MOB4: variants seen among roughly 807,000 people sequenced by gnomAD.
MOB4 encodes MOB-like protein phocein.
A neutral mutation model predicts 32.2 loss-of-function variants in MOB4; 4 were observed. The ratio of observed to expected loss-of-function variants is 0.12; its 90% CI spans 0.06 to 0.28. MOB4 has a LOEUF of 0.28. MOB4 is among the 10% of genes least tolerant of loss of function. The pLI is 1.00. For synonymous variants in MOB4, 88 were observed against 88.1 expected, an observed-to-expected ratio of 1.00 and a Z score of 0.01; for missense variants, 158 against 271.2, an observed-to-expected ratio of 0.58 and a Z score of 2.93.
intron 2 of MOB4, among the ~76,000 whole-genome samples, chr2:197,532,695 A>G (rs1255804549): frequency 6.6e-6 from 1 of 151,896 alleles, no homozygotes; most frequent in Non-Finnish European, 1.5e-5. Flanking sequence ...CAAAAAAAAA[A>G]TAAGTAAATA....
chr2:197,528,550 A>G (rs1300493250), intron 2 of MOB4, among the ~76,000 whole-genome samples: 2 of 151,988 alleles, frequency 1.3e-5, no homozygotes, highest in Non-Finnish European at 2.9e-5. Flanking sequence ...ATTTATACCC[A>G]GATATTTACA....
At chr2:197,521,867 C>G (rs1175874786) in intron 1 of MOB4, among the ~76,000 whole-genome samples, 2 of 152,152 alleles carry the variant, frequency 1.3e-5, no homozygotes, top group Non-Finnish European at 2.9e-5. Context: ...AACACACATG[C>G]TCTACAGTTT....
chr2:197,517,507 C>CT (rs1328418446), intron 1 of MOB4, among the ~76,000 whole-genome samples: 1 of 152,126 alleles, frequency 6.6e-6, no homozygotes, highest in Non-Finnish European at 1.5e-5. Context: ...CAGAAGTAGA[C>CT]TTTTCTGTTC....
chr2:197,524,537 A>AC (rs2086574879), intron 2 of MOB4, among the ~76,000 whole-genome samples: 1 of 149,610 alleles, frequency 6.7e-6, no homozygotes, highest in South Asian at 2.1e-4. Context: ...TCTCAAAAAA[A>AC]AAAAAAAAAA....
chr2:197,550,382 A>G lies in MOB4; in HGVS notation c.542A>G (p.Tyr181Cys). Reference sequence around the variant, plus strand: ...CATCATCGGCAGATATTTGATGAATATGAAGTAAGTATATTTCACTGATTA... The same window carrying G: ...CATCATCGGCAGATATTTGATGAATGTGAAGTAAGTATATTTCACTGATTA... Reference protein sequence around the residue: ...YFHHRQIFDEYENETFLCHRF... With the variant: ...YFHHRQIFDECENETFLCHRF... The change falls in exon 7 of 8, where the codon TAT becomes TGT. Residue 181 changes from tyrosine (Y) to cysteine (C), a missense_variant. Tyr to Cys is a radical substitution (Grantham distance 194). Transcript: ENST00000323303. The G allele has an allele frequency of 6.2e-7, 1 of 1,613,428 alleles. No individual in the cohort carries two copies. The highest frequency in any genetic ancestry group is 8.5e-7 in the Non-Finnish European group (1 of 1,179,662).
chr2:197,540,007 G>T, intron 3 of MOB4, 104 bp from the exon 4 acceptor site: 2 of 1,233,368 alleles, frequency 1.6e-6, no homozygotes, highest in East Asian at 2.5e-5. Flanking sequence ...ATGGTAATGA[G>T]GGAGGAGGGA....
rs374252620 is a variant in MOB4 at position 197,548,429 on chromosome 2, T to C, written c.434+14T>C. ...TTTTCCCAGCAGGTAATCGAAACTTTTAAACATAGTGTTAAACATTTTAGA... is the reference window on the plus strand; with the variant it reads ...TTTTCCCAGCAGGTAATCGAAACTTCTAAACATAGTGTTAAACATTTTAGA... On this transcript the variant is annotated intron_variant, in intron 6 of 7. Coordinates refer to ENST00000323303, the MANE Select transcript of MOB4 (RefSeq NM_015387.5). 1.9e-5 allele frequency: 30 copies of C among 1,577,014 alleles called. No individual in the cohort carries two copies. The African/African-American group carries it at 4.1e-4, about 22-fold the overall frequency.
rs893133722 is a variant in MOB4 at position 197,549,946 on chromosome 2, A to G, written c.435-329A>G. On this transcript the variant is annotated intron_variant, in intron 6 of 7. Coordinates refer to ENST00000323303, the MANE Select transcript of MOB4 (RefSeq NM_015387.5). ...CAATAATTCCTTTCAGGAGTTTTCA[A>G]TCGCCTCTAGTGGACAATGTATTAA... 1.4e-4 allele frequency among the ~76,000 whole-genome samples: 21 copies of G among 152,158 alleles called. 1 individual carries two copies. Among genetic ancestry groups the G allele is most frequent in the Admixed American group, 3.9e-4 (6 of 15,272 alleles).
At position 197,550,379 on chromosome 2, in the gene MOB4, A is replaced by G; in HGVS notation, c.539A>G (p.Glu180Gly). 1 of 1,613,414 alleles carries G rather than the reference A, an allele frequency of 6.2e-7. No homozygotes were observed. Among genetic ancestry groups the G allele is most frequent in the South Asian group, 1.1e-5 (1 of 90,992 alleles). ...AYFHHRQIFDEYENETFLCHR... is the reference protein window; with the variant it reads ...AYFHHRQIFDGYENETFLCHR... ...TTTCATCATCGGCAGATATTTGATG[A>G]ATATGAAGTAAGTATATTTCACTGA... is the stretch of plus-strand genomic sequence containing the variant. Residue 180 changes from glutamate to glycine, a missense_variant, in exon 7 of 8, where the codon GAA (glutamate) becomes GGA (glycine). Around this residue, in one of 6 missense-constraint regions of MOB4, gnomAD observed 45 missense variants for 65.6 expected, o/e 0.69. Transcript: ENST00000323303.
chr2:197,527,161 G>A (rs1480587386), intron 2 of MOB4, among the ~76,000 whole-genome samples: 1 of 151,282 alleles, frequency 6.6e-6, no homozygotes, highest in African/African-American at 2.4e-5. Flanking sequence ...CACCTTTTCC[G>A]TATCTGCAAA....
intron 2 of MOB4, among the ~76,000 whole-genome samples, chr2:197,528,761 G>A (rs188253139): frequency 0.022 from 3,204 of 148,982 alleles, 121 homozygotes; most frequent in African/African-American, 0.075. Context: ...GACTACAGGC[G>A]CCCGCCATCA....
At chr2:197,540,174 A>G (rs754894092) in intron 4 of MOB4, 21 bp downstream of exon 4, 9 of 1,601,340 alleles carry the variant, frequency 5.6e-6, no homozygotes, top group South Asian at 1.1e-5. Context: ...CTTTAAGTCA[A>G]AGTTATAATT....
At chr2:197,518,009 C>T (rs1235398317) in intron 1 of MOB4, among the ~76,000 whole-genome samples, 5 of 151,728 alleles carry the variant, frequency 3.3e-5, no homozygotes, top group Admixed American at 1.3e-4. Flanking sequence ...GGCGTGGTGG[C>T]GGGCGCCTGT....
intron 1 of MOB4, among the ~76,000 whole-genome samples, chr2:197,522,505 A>AT (rs2086539643): frequency 6.6e-6 from 1 of 150,432 alleles, no homozygotes; most frequent in Non-Finnish European, 1.5e-5. Context: ...TATTTTTTGT[A>AT]TTTTTAGTAG....
At chr2:197,516,467 T>C in intron 1 of MOB4, 1 of 1,095,260 alleles carries the variant, frequency 9.1e-7, no homozygotes, top group South Asian at 1.6e-5. Context: ...GAGCCCCAGC[T>C]GACTAGCATT....
intron 2 of MOB4, among the ~76,000 whole-genome samples, chr2:197,529,897 C>G (rs2086670376): frequency 6.6e-6 from 1 of 152,120 alleles, no homozygotes; most frequent in Non-Finnish European, 1.5e-5. Flanking sequence ...TGTGATCTGC[C>G]CGCCTCAGCC....
intron 2 of MOB4, among the ~76,000 whole-genome samples, chr2:197,526,216 G>A (rs921971896): frequency 6.6e-6 from 1 of 152,068 alleles, no homozygotes; most frequent in South Asian, 2.1e-4. Context: ...TCCTTTATTC[G>A]TAGGTCATTC....
At position 197,551,678 on chromosome 2, in the gene MOB4, C is replaced by T. The variant is rs187415700; in HGVS notation, c.*1032C>T. On this transcript the variant is annotated 3_prime_UTR_variant, in exon 8 of 8. Transcript: ENST00000323303. Reference sequence around the variant, plus strand: ...CCATAGTATTTATTTTACACCCCCTCTCCCACGAAGTTTATGTTTGGATTA... The same window carrying T: ...CCATAGTATTTATTTTACACCCCCTTTCCCACGAAGTTTATGTTTGGATTA... 6.5e-6 allele frequency: 1 copy of T among 152,820 alleles called. No individual in the cohort carries two copies. Among genetic ancestry groups the T allele is most frequent in the Non-Finnish European group, 1.5e-5 (1 of 68,028 alleles). 9.5% of individuals were successfully genotyped at this position (152,820 alleles called of 1,614,324 possible). A position where few individuals can be genotyped will look rare whatever the true frequency, so the allele number is the denominator to read the frequency against.
Position 197,550,685 on chromosome 2 carries a change from CATT to C in MOB4, c.*42_*44del, listed in dbSNP as rs1559326853. 8 of 1,554,366 alleles carry C rather than the reference CATT, an allele frequency of 5.1e-6. No homozygotes were observed. Among genetic ancestry groups the C allele is most frequent in the Middle Eastern group, 2.4e-4 (1 of 4,182 alleles). On this transcript the variant is annotated 3_prime_UTR_variant, in exon 8 of 8. Coordinates refer to ENST00000323303, the MANE Select transcript of MOB4 (RefSeq NM_015387.5). Reference sequence around the variant, plus strand: ...AAAAATGTACTGATCATATAATTAACATTATGTACTGTATATATCATTTTAGAC... The same window carrying C: ...AAAAATGTACTGATCATATAATTAACATGTACTGTATATATCATTTTAGAC...
Sources: allele counts gnomAD v4.1 joint callset (sites outside exome capture counted in the v4.1 genomes callset), GRCh38; gene constraint gnomAD v4.1.1; regional missense constraint gnomAD v4.1.1; transcripts MANE v1.5; gene names NCBI Gene and HGNC (gene_info 2026-07-23, HGNC 2026-07-21).